The following FBXL7 variants were observed in gnomAD, a reference collection of about 807,000 sequenced individuals.
The protein encoded by FBXL7 is F-box and leucine rich repeat protein 7, also known as F-box/LRR-repeat protein 7.
FBXL7 carries 12 observed loss-of-function variants against 38.3 expected under a neutral mutation model. The observed-to-expected ratio is 0.31, with a 90% CI of 0.20 to 0.51. FBXL7 has a LOEUF of 0.51. Ranked by LOEUF, FBXL7 falls within the 20% of genes least tolerant of loss-of-function variation. The probability of loss-of-function intolerance (pLI) is 0.98; values close to 1 mark genes in which losing one functional copy is unlikely to be tolerated. For synonymous variants in FBXL7, 297 were observed against 300.9 expected (o/e 0.99, Z 0.13); for missense variants, 567 against 676.4 (o/e 0.84, Z 1.79).
At chr5:15,564,808 A>G (rs1333082386) in intron 1 of FBXL7, among the ~76,000 whole-genome samples, 2 of 152,182 alleles carry the variant, frequency 1.3e-5, no homozygotes, top group East Asian at 3.9e-4. Context: ...AATATGCCTG[A>G]AATACATTCA....
intron 2 of FBXL7, among the ~76,000 whole-genome samples, chr5:15,913,028 C>A (rs768307960): frequency 1.4e-4 from 21 of 152,130 alleles, no homozygotes; most frequent in Non-Finnish European, 2.8e-4. Context: ...TTCTTTCTCT[C>A]TATATTTGAT....
chr5:15,645,644 C>T (rs772656135), intron 2 of FBXL7, among the ~76,000 whole-genome samples: 8 of 152,168 alleles, frequency 5.3e-5, no homozygotes, highest in Admixed American at 3.3e-4. Flanking sequence ...AATAAACTTT[C>T]TGAATTAACT....
chr5:15,763,153 G>A (rs1736493958), intron 2 of FBXL7, among the ~76,000 whole-genome samples: 1 of 152,166 alleles, frequency 6.6e-6, no homozygotes. Context: ...TAGTGCTTAA[G>A]AGCATAAGAT....
chr5:15,727,378 G>A (rs967522986), intron 2 of FBXL7, among the ~76,000 whole-genome samples: 1 of 152,102 alleles, frequency 6.6e-6, no homozygotes, highest in East Asian at 1.9e-4. Context: ...AGCATTTCTT[G>A]TGGAACTGTT....
chr5:15,695,334 G>A (rs371270038), intron 2 of FBXL7, among the ~76,000 whole-genome samples: 2 of 152,138 alleles, frequency 1.3e-5, no homozygotes, highest in East Asian at 2.0e-4. Flanking sequence ...GGCGTCCAGG[G>A]CCTCAGGAGG....
At chr5:15,624,872 T>G (rs1740761333) in intron 2 of FBXL7, among the ~76,000 whole-genome samples, 2 of 151,738 alleles carry the variant, frequency 1.3e-5, no homozygotes, top group Admixed American at 6.6e-5. Context: ...CATGTTTGTT[T>G]TTTTTTTTTT....
chr5:15,642,692 G>A (rs569256136), intron 2 of FBXL7, among the ~76,000 whole-genome samples: 1 of 152,182 alleles, frequency 6.6e-6, no homozygotes, highest in South Asian at 2.1e-4. Context: ...ATAGGAGACA[G>A]ACCTAGATAG....
chr5:15,641,814 G>A (rs1464477638), intron 2 of FBXL7, among the ~76,000 whole-genome samples: 4 of 152,090 alleles, frequency 2.6e-5, no homozygotes, highest in East Asian at 3.9e-4. Context: ...TGGAATTTAC[G>A]CCATCAGCTT....
chr5:15,643,919 CAG>C (rs902725268), intron 2 of FBXL7, among the ~76,000 whole-genome samples: 1 of 152,106 alleles, frequency 6.6e-6, no homozygotes, highest in Non-Finnish European at 1.5e-5. Context: ...GTGTCTGACT[CAG>C]TGTTTTCCTC....
intron 1 of FBXL7, among the ~76,000 whole-genome samples, chr5:15,552,718 G>A (rs147952166): frequency 9.2e-5 from 14 of 152,224 alleles, no homozygotes; most frequent in Non-Finnish European, 1.9e-4. Flanking sequence ...ATTTTCAAAC[G>A]CAGATCTGAC....
At chr5:15,743,989 G>A (rs1218210867) in intron 2 of FBXL7, among the ~76,000 whole-genome samples, 4 of 152,182 alleles carry the variant, frequency 2.6e-5, no homozygotes, top group Non-Finnish European at 5.9e-5. Context: ...CAAGTCCCAA[G>A]GCTGCACACA....
intron 1 of FBXL7, among the ~76,000 whole-genome samples, chr5:15,612,240 A>C (rs1740268952): frequency 1.3e-5 from 2 of 152,116 alleles, no homozygotes; most frequent in Admixed American, 6.6e-5. Flanking sequence ...AAAAGTCTAA[A>C]CAGTTTCCTT....
In FBXL7 at chr5:15,589,035, T is replaced by C. The variant is rs568929273; in HGVS notation, c.38-26948T>C. On this transcript the variant is annotated intron_variant, in intron 1 of 3. Transcript: ENST00000504595. ...AATTTCAGATGATTTCTTGTTGTTG[T>C]AACTAATAGAATGACGTACAAAGTA... 1.5e-4 allele frequency among the ~76,000 whole-genome samples: 23 copies of C among 152,314 alleles called. No individual in the cohort carries two copies. In the South Asian group the frequency reaches 4.8e-3, roughly 32 times the overall value.
intron 2 of FBXL7, among the ~76,000 whole-genome samples, chr5:15,652,488 G>A (rs1741745059): frequency 1.3e-5 from 2 of 152,130 alleles, no homozygotes; most frequent in Non-Finnish European, 2.9e-5. Flanking sequence ...GGATGGTCTC[G>A]ATATCCTGAC....
At position 15,648,119 on chromosome 5, in the gene FBXL7, T is replaced by C. The variant is rs917562700; in HGVS notation, c.127+32047T>C. Among the ~76,000 whole-genome samples, 3 of 152,238 alleles carry C rather than the reference T, an allele frequency of 2.0e-5. No individual in the cohort carries two copies. The East Asian group carries it at 5.8e-4, about 29-fold the overall frequency. ...GAATGGACACTTTTTGAATCAAGCC[T>C]CTTCATTTTCTCACTACTACCTGCT... On this transcript the variant is annotated intron_variant, in intron 2 of 3. Coordinates refer to ENST00000504595, the MANE Select transcript of FBXL7 (RefSeq NM_012304.5).
intron 2 of FBXL7, among the ~76,000 whole-genome samples, chr5:15,713,354 A>G (rs922252388): frequency 3.3e-5 from 5 of 152,148 alleles, no homozygotes; most frequent in Non-Finnish European, 7.4e-5. Flanking sequence ...CTCCCACAAC[A>G]TGTGGGAATT....
chr5:15,817,644 A>C (rs556768838), intron 2 of FBXL7, among the ~76,000 whole-genome samples: 36 of 152,206 alleles, frequency 2.4e-4, no homozygotes, highest in Non-Finnish European at 4.9e-4. Context: ...ATAACAGTGA[A>C]TAAGTCTCAT....
intron 2 of FBXL7, among the ~76,000 whole-genome samples, chr5:15,879,943 A>G (rs1740372371): frequency 6.6e-6 from 1 of 152,092 alleles, no homozygotes. Context: ...AGCAATACAA[A>G]TCTATCGACT....
intron 2 of FBXL7, among the ~76,000 whole-genome samples, chr5:15,738,272 G>A (rs559302522): frequency 2.0e-5 from 3 of 152,274 alleles, no homozygotes; most frequent in Admixed American, 6.5e-5. Context: ...TGCTTATGAT[G>A]AGAAGTAAAA....
Sources: allele counts gnomAD v4.1 joint callset (sites outside exome capture counted in the v4.1 genomes callset), GRCh38; gene constraint gnomAD v4.1.1; transcripts MANE v1.5; gene names NCBI Gene and HGNC (gene_info 2026-07-23, HGNC 2026-07-21).